Variants in PRELID1 observed in about 807,000 individuals in gnomAD.
PRELID1 encodes PRELI domain containing 1, also known as PRELI domain-containing protein 1, mitochondrial.
Under a neutral mutation model 29.0 loss-of-function variants are expected in PRELID1, and 15 were observed. The ratio of observed to expected loss-of-function variants is 0.52; its 90% CI spans 0.35 to 0.80. The LOEUF is 0.80. PRELID1 is among the 30% of genes least tolerant of loss of function. PRELID1 has a pLI of 0.01. For synonymous variants in PRELID1, 79 were observed against 106.5 expected (o/e 0.74, Z 1.59); for missense variants, 187 against 275.9 (o/e 0.68, Z 2.28).
Position 177,306,558 on chromosome 5 carries a change from A to G in PRELID1, c.648A>G (p.Gln216=). The G allele has an allele frequency of 6.2e-7, 1 of 1,609,514 alleles. No homozygotes were observed. Among genetic ancestry groups the G allele is most frequent in the South Asian group, 1.1e-5 (1 of 90,194 alleles). The change falls in exon 5 of 5, where the codon CAA becomes CAG. Residue 216 remains glutamine, a synonymous_variant. Coordinates refer to ENST00000303204, the MANE Select transcript of PRELID1 (RefSeq NM_013237.4). ...CCACCAAGAAGCAGCAGCAGCAGCA[A>G]CAGTTTGTGTAGCCAGTCTACCACC... ...KAATKKQQQQ[Q]QFV is the part of the protein sequence containing the mutation.
intron 1 of PRELID1, 41 bp from the exon 2 acceptor site, chr5:177,304,584 G>A (rs1218607904): frequency 6.5e-7 from 1 of 1,546,172 alleles, no homozygotes. Context: ...AGTCTCTTAG[G>A]GGCAAGCTTC....
intron 2 of PRELID1, 127 bp from the exon 3 acceptor site, chr5:177,305,744 G>A (rs1760852292): frequency 1.3e-6 from 1 of 755,968 alleles, no homozygotes; most frequent in Non-Finnish European, 2.2e-6. Context: ...ACTTGGAGGT[G>A]CAGTCAGGGG....
chr5:177,305,801 G>A, intron 2 of PRELID1, 70 bp from the exon 3 acceptor site: 1 of 1,291,666 alleles, frequency 7.7e-7, no homozygotes, highest in Non-Finnish European at 1.1e-6. Context: ...AAAAGTGACA[G>A]GGAGTCAGAT....
At chr5:177,306,197 A>C (rs1260062642) in intron 4 of PRELID1, 21 bp downstream of exon 4, 1 of 1,603,532 alleles carries the variant, frequency 6.2e-7, no homozygotes, top group Admixed American at 1.7e-5. Flanking sequence ...GGGTATGTGG[A>C]TATTCCTCAT....
Position 177,306,689 on chromosome 5 carries a change from T to C in PRELID1, c.*119T>C, listed in dbSNP as rs1760887208. 1 of 1,415,550 alleles carries C rather than the reference T, an allele frequency of 7.1e-7. No individual in the cohort carries two copies. 87.7% of individuals were successfully genotyped at this position (1,415,550 alleles called of 1,614,324 possible). A position where few individuals can be genotyped will look rare whatever the true frequency, so the allele number is the denominator to read the frequency against. ...CCTGTCTGCTGTCTACGTGGTGGGT[T>C]GTGGGGATGCAGTTTGGCATCTGCA... On this transcript the variant is annotated 3_prime_UTR_variant, in exon 5 of 5. Transcript: ENST00000303204.
Position 177,305,932 on chromosome 5 carries a change from G to T in PRELID1, c.380G>T (p.Arg127Leu), listed in dbSNP as rs750714431. Residue 127 changes from arginine to leucine, a missense_variant, in exon 3 of 5, where the codon CGC becomes CTC. Physicochemically the swap from Arg to Leu is moderately radical, Grantham distance 102. Transcript: ENST00000303204. ...NSDNSGWTEIRREAWVSSSLF... is the reference protein window; with the variant it reads ...NSDNSGWTEILREAWVSSSLF... ...GACAACAGTGGCTGGACTGAAATCC[G>T]CCGGGAAGCCTGGGTCTCCTCTAGC... 2.5e-6 allele frequency: 4 copies of T among 1,614,044 alleles called. No homozygotes were observed. The highest frequency in any genetic ancestry group is 2.5e-6 in the Non-Finnish European group (3 of 1,180,036).
Position 177,304,747 on chromosome 5 carries a change from C to T in PRELID1, c.215C>T (p.Ala72Val), listed in dbSNP as rs747664564. 1 of 1,613,976 alleles carries T rather than the reference C, an allele frequency of 6.2e-7. No individual in the cohort carries two copies. Among genetic ancestry groups the T allele is most frequent in the South Asian group, 1.1e-5 (1 of 91,078 alleles). The change falls in exon 2 of 5, where the codon GCC becomes GTC. Residue 72 changes from alanine to valine, a missense_variant. Coordinates refer to ENST00000303204, the MANE Select transcript of PRELID1 (RefSeq NM_013237.4). ...MPRWAERLFPANVAHSVYVLE... is the reference protein window; with the variant it reads ...MPRWAERLFPVNVAHSVYVLE... Reference sequence around the variant, plus strand: ...CGCTGGGCCGAGCGACTATTTCCTGCCAATGTTGCTCACTCGGTGTACGTC... The same window carrying T: ...CGCTGGGCCGAGCGACTATTTCCTGTCAATGTTGCTCACTCGGTGTACGTC...
chr5:177,304,188 AGACCTT>A, intron 1 of PRELID1, 111 bp downstream of exon 1: 1 of 1,087,294 alleles, frequency 9.2e-7, no homozygotes. Flanking sequence ...AATCCTAGGT[AGACCTT>A]ATCGGGGAAG....
At position 177,304,094 on chromosome 5, in the gene PRELID1, A is replaced by G; in HGVS notation, c.92+17A>G. 1 of 1,605,608 alleles carries G rather than the reference A, an allele frequency of 6.2e-7. No individual in the cohort carries two copies. The highest frequency in any genetic ancestry group is 8.5e-7 in the Non-Finnish European group (1 of 1,177,052). ...TCCCTATAGGTACGTGGTATTTGGA[A>G]GAGCAAAACCGCGCCATCTCGCTAT... On this transcript the variant is annotated intron_variant, in intron 1 of 4. Coordinates refer to ENST00000303204, the MANE Select transcript of PRELID1 (RefSeq NM_013237.4).
intron 4 of PRELID1, 36 bp from the exon 5 acceptor site, chr5:177,306,386 C>T: frequency 6.2e-7 from 1 of 1,613,360 alleles, no homozygotes; most frequent in Admixed American, 1.7e-5. Flanking sequence ...GTCTTTCAGG[C>T]ATCTTCTAAA....
intron 2 of PRELID1, chr5:177,305,504 G>C (rs886951950): frequency 3.7e-6 from 1 of 267,094 alleles, no homozygotes; most frequent in Non-Finnish European, 7.3e-6. Context: ...ACCGCGCCGG[G>C]CAAATGTTTT....
chr5:177,305,714 C>T (rs1760851075), intron 2 of PRELID1, 157 bp from the exon 3 acceptor site: 1 of 646,498 alleles, frequency 1.5e-6, no homozygotes, highest in Non-Finnish European at 2.7e-6. Context: ...TTATTTATGG[C>T]TTCTTGTTCT....
Position 177,303,905 on chromosome 5 carries a change from G to A in PRELID1, c.-81G>A. ...TGGCGGCGGGTGTGCGCCGAGCCCC[G>A]GCCCGGCCCGGCCCTCGCGTGCCTC... On this transcript the variant is annotated 5_prime_UTR_variant, in exon 1 of 5. Coordinates refer to ENST00000303204, the MANE Select transcript of PRELID1 (RefSeq NM_013237.4). This position sits in a 1 kb window ranked among gnomAD's most constrained non-coding sequence, Gnocchi z 6.1. 1.6e-6 allele frequency: 2 copies of A among 1,267,086 alleles called. No individual in the cohort carries two copies. Among genetic ancestry groups the A allele is most frequent in the East Asian group, 2.6e-5 (1 of 38,748 alleles). 78.5% of individuals were successfully genotyped at this position (1,267,086 alleles called of 1,614,324 possible). A position where few individuals can be genotyped will look rare whatever the true frequency, so the allele number is the denominator to read the frequency against.
Position 177,303,930 on chromosome 5 carries a change from C to A in PRELID1, c.-56C>A, listed in dbSNP as rs1760785075. ...GGCCCGGCCCGGCCCTCGCGTGCCT[C>A]CCAGGCTCCGCACCCCTGATGCTGC... On this transcript the variant is annotated 5_prime_UTR_variant, in exon 1 of 5. Coordinates refer to ENST00000303204, the MANE Select transcript of PRELID1 (RefSeq NM_013237.4). This position sits in a 1 kb window ranked among gnomAD's most constrained non-coding sequence, Gnocchi z 6.1. 1 of 1,526,114 alleles carries A rather than the reference C, an allele frequency of 6.6e-7. No individual in the cohort carries two copies. Among genetic ancestry groups the A allele is most frequent in the Non-Finnish European group, 8.9e-7 (1 of 1,123,708 alleles). 94.5% of individuals were successfully genotyped at this position (1,526,114 alleles called of 1,614,324 possible). A position where few individuals can be genotyped will look rare whatever the true frequency, so the allele number is the denominator to read the frequency against.
intron 4 of PRELID1, 105 bp downstream of exon 4, chr5:177,306,281 T>C: frequency 6.4e-7 from 1 of 1,559,166 alleles, no homozygotes; most frequent in Admixed American, 1.7e-5. Flanking sequence ...TGGGACTCCT[T>C]GTCTGTACTG....
chr5:177,306,695 G>T lies in PRELID1; in HGVS notation c.*125G>T. On this transcript the variant is annotated 3_prime_UTR_variant, in exon 5 of 5. Transcript: ENST00000303204. ...TGCTGTCTACGTGGTGGGTTGTGGG[G>T]ATGCAGTTTGGCATCTGCAGTACAC... 7.2e-7 allele frequency: 1 copy of T among 1,388,168 alleles called. No homozygotes were observed. The highest frequency in any genetic ancestry group is 9.7e-7 in the Non-Finnish European group (1 of 1,031,216). The allele number at this position is 1,388,168 out of a possible 1,614,324, so 86.0% of individuals were successfully genotyped here. A position where few individuals can be genotyped will look rare whatever the true frequency, so the allele number is the denominator to read the frequency against.
At position 177,304,058 on chromosome 5, in the gene PRELID1, C is replaced by G. The variant is rs1227228075; in HGVS notation, c.73C>G (p.Arg25Gly). The change falls in exon 1 of 5, where the codon CGG (arginine) becomes GGG (glycine). Residue 25 changes from arginine to glycine, a missense_variant. Coordinates refer to ENST00000303204, the MANE Select transcript of PRELID1 (RefSeq NM_013237.4). The stretch of plus-strand genomic sequence containing the variant: ...CCAAGTGTTCGCCGCCTTCTGGCAG[C>G]GGTACCCGAATCCCTATAGGTACGT... ...WDQVFAAFWQRYPNPYSKHVL... is the reference protein window; with the variant it reads ...WDQVFAAFWQGYPNPYSKHVL... 1 of 1,611,618 alleles carries G rather than the reference C, an allele frequency of 6.2e-7. No individual in the cohort carries two copies. Among genetic ancestry groups the G allele is most frequent in the Non-Finnish European group, 8.5e-7 (1 of 1,179,892 alleles).
Position 177,304,045 on chromosome 5 carries a change from CGCCTTCTG to C in PRELID1, c.63_70del (p.Phe22AlafsTer7). On this transcript the variant is annotated frameshift_variant, in exon 1 of 5. Transcript: ENST00000303204. LOFTEE classifies it high-confidence loss of function. ...GGAGTTCCTGGGACCAAGTGTTCGC[CGCCTTCTG>C]GCAGCGGTACCCGAATCCCTATAGG... 1.2e-6 allele frequency: 2 copies of C among 1,612,008 alleles called. No individual in the cohort carries two copies. Among genetic ancestry groups the C allele is most frequent in the Non-Finnish European group, 1.7e-6 (2 of 1,179,954 alleles).
chr5:177,306,571 C>T lies in PRELID1; in HGVS notation c.*1C>T, dbSNP rs757111088. 80 of 1,608,546 alleles carry T rather than the reference C, an allele frequency of 5.0e-5. No individual in the cohort carries two copies. The highest frequency in any genetic ancestry group is 6.4e-5 in the Non-Finnish European group (75 of 1,177,686). ...GCAGCAGCAGCAACAGTTTGTGTAGCCAGTCTACCACCACCACAGCACCCC... is the reference window on the plus strand; with the variant it reads ...GCAGCAGCAGCAACAGTTTGTGTAGTCAGTCTACCACCACCACAGCACCCC... On this transcript the variant is annotated 3_prime_UTR_variant, in exon 5 of 5. Coordinates refer to ENST00000303204, the MANE Select transcript of PRELID1 (RefSeq NM_013237.4).
Sources: gnomAD v4.1 joint callset for allele counts on GRCh38, gnomAD v4.1.1 for gene constraint, Gnocchi (gnomAD v3.1) non-coding constraint, MANE v1.5 for transcripts, NCBI Gene and HGNC (gene_info 2026-07-23, HGNC 2026-07-21) for gene names.